The following CDH4 variants were observed in gnomAD, a reference collection of about 807,000 sequenced individuals.
The protein encoded by CDH4 is cadherin 4, also known as cadherin-4.
In CDH4, 33 loss-of-function variants were observed where a neutral mutation model predicts 86.0. The ratio of observed to expected loss-of-function variants is 0.38; its 90% CI spans 0.29 to 0.51. The LOEUF (loss-of-function observed/expected upper bound fraction) is 0.51, where lower values mean the gene tolerates loss of function less well. Ranked by LOEUF, CDH4 falls within the 20% of genes least tolerant of loss-of-function variation. The pLI is 0.86. For synonymous variants in CDH4, 555 were observed against 549.4 expected (o/e 1.01, Z -0.14); for missense variants, 1,114 against 1,307.4 (o/e 0.85, Z 2.28).
intron 2 of CDH4, among the ~76,000 whole-genome samples, chr20:61,604,232 T>C (rs559328260): frequency 6.2e-4 from 95 of 152,344 alleles, no homozygotes; most frequent in African/African-American, 2.1e-3. Flanking sequence ...AGTGACTGTC[T>C]CCGGAGTAAC....
At chr20:61,697,646 C>T (rs1198943896) in intron 2 of CDH4, among the ~76,000 whole-genome samples, 1 of 152,202 alleles carries the variant, frequency 6.6e-6, no homozygotes, top group South Asian at 2.1e-4. Context: ...GCTCTCATCA[C>T]AGCTCCCTGT....
intron 2 of CDH4, among the ~76,000 whole-genome samples, chr20:61,720,259 C>T (rs2088020408): frequency 6.6e-6 from 1 of 152,158 alleles, no homozygotes; most frequent in Non-Finnish European, 1.5e-5. Flanking sequence ...AGGTTTAGTT[C>T]TGTGCTCTAT....
chr20:61,565,088 GCTCTTGGTGGT>G (rs2086256904), intron 2 of CDH4, among the ~76,000 whole-genome samples: 1 of 89,828 alleles, frequency 1.1e-5, no homozygotes, highest in Non-Finnish European at 2.3e-5. Context: ...TGGTGGTGGT[GCTCTTGGTGGT>G]GCTCTTGGTG....
intron 2 of CDH4, among the ~76,000 whole-genome samples, chr20:61,304,084 G>C (rs546926483): frequency 4.6e-5 from 7 of 152,130 alleles, no homozygotes; most frequent in African/African-American, 1.7e-4. Context: ...CAAGGAACCC[G>C]TGTCCTGGGG....
intron 2 of CDH4, among the ~76,000 whole-genome samples, chr20:61,650,748 TC>T (rs1411562728): frequency 1.3e-5 from 2 of 152,210 alleles, no homozygotes; most frequent in Non-Finnish European, 2.9e-5. Context: ...TAATTACAGG[TC>T]TTTAGTGATG....
At chr20:61,752,174 A>AC (rs2088505036) in intron 3 of CDH4, among the ~76,000 whole-genome samples, 1 of 152,114 alleles carries the variant, frequency 6.6e-6, no homozygotes, top group Non-Finnish European at 1.5e-5. Flanking sequence ...TCCACTAAAA[A>AC]TACAAAAATT....
chr20:61,687,950 G>A (rs2087605384), intron 2 of CDH4, among the ~76,000 whole-genome samples: 1 of 152,146 alleles, frequency 6.6e-6, no homozygotes, highest in African/African-American at 2.4e-5. Flanking sequence ...CATTCCTTAA[G>A]CACAAGCATT....
chr20:61,699,006 C>A (rs1386105583), intron 2 of CDH4, among the ~76,000 whole-genome samples: 3 of 152,256 alleles, frequency 2.0e-5, no homozygotes, highest in African/African-American at 7.2e-5. Flanking sequence ...CTTTATGCTA[C>A]ACAAGAATGG....
intron 2 of CDH4, among the ~76,000 whole-genome samples, chr20:61,742,098 T>A (rs1043966806): frequency 6.6e-5 from 10 of 151,582 alleles, no homozygotes; most frequent in African/African-American, 2.2e-4. Flanking sequence ...AACAGTACTA[T>A]AAAAGCAGTT....
chr20:61,830,695 C>T (rs933310619), intron 4 of CDH4, among the ~76,000 whole-genome samples: 3 of 152,254 alleles, frequency 2.0e-5, no homozygotes. Flanking sequence ...GTTCTTCCCC[C>T]GAGGCCAGAA....
intron 2 of CDH4, among the ~76,000 whole-genome samples, chr20:61,383,140 A>G (rs968438998): frequency 1.1e-5 from 1 of 88,648 alleles, no homozygotes; most frequent in Non-Finnish European, 2.2e-5. Context: ...TATTATATAT[A>G]TGAATATATA....
chr20:61,748,537 A>G (rs2088446898), intron 3 of CDH4, among the ~76,000 whole-genome samples: 1 of 152,274 alleles, frequency 6.6e-6, no homozygotes, highest in African/African-American at 2.4e-5. Flanking sequence ...GTTGAGGTGA[A>G]CACTCAGAAA....
chr20:61,451,725 C>A (rs1159329725), intron 2 of CDH4, among the ~76,000 whole-genome samples: 4 of 151,884 alleles, frequency 2.6e-5, no homozygotes, highest in African/African-American at 9.7e-5. Context: ...GGGTAGGAGG[C>A]TGGGAGGAAG....
intron 2 of CDH4, among the ~76,000 whole-genome samples, chr20:61,380,731 A>G (rs950545000): frequency 3.7e-4 from 57 of 152,212 alleles, no homozygotes; most frequent in African/African-American, 1.4e-3. Context: ...GGCAGCCCGC[A>G]TGGTTGTTAC....
rs185940867 is a variant in CDH4, at chr20:61,852,131, C to A, written c.733-623C>A. ...CTCCCGGCCCTGCCTCTCCACGGAT[C>A]CCCCCACCCCACCACCCATATTCCC... is the stretch of plus-strand genomic sequence containing the variant. On this transcript the variant is annotated intron_variant, in intron 5 of 15. Coordinates refer to ENST00000614565, the MANE Select transcript of CDH4 (RefSeq NM_001794.5). 3.9e-3 allele frequency among the ~76,000 whole-genome samples: 588 copies of A among 151,674 alleles called. 16 individuals are homozygous for A. The highest frequency in any genetic ancestry group is 0.034 in the Admixed American group (514 of 15,276).
chr20:61,707,155 G>C (rs917789428), intron 2 of CDH4, among the ~76,000 whole-genome samples: 23 of 152,358 alleles, frequency 1.5e-4, no homozygotes, highest in African/African-American at 4.8e-4. Flanking sequence ...CCCCATGAGC[G>C]CATGGCGGGG....
In CDH4 at chr20:61,725,507, C is replaced by G. The variant is rs148630911; in HGVS notation, c.170-18056C>G. Among the ~76,000 whole-genome samples, 797 of 152,318 alleles carry G rather than the reference C, an allele frequency of 5.2e-3. 12 individuals are homozygous for G. Among genetic ancestry groups the G allele is most frequent in the South Asian group, 0.037 (176 of 4,814 alleles). Reference sequence around the variant, plus strand: ...GCTCACCTAGGCCTCAGCTCTCTTTCTCTCAGATGTTTCTGAGAGCTTTGA... The same window carrying G: ...GCTCACCTAGGCCTCAGCTCTCTTTGTCTCAGATGTTTCTGAGAGCTTTGA... On this transcript the variant is annotated intron_variant, in intron 2 of 15. Transcript: ENST00000614565.
intron 3 of CDH4, among the ~76,000 whole-genome samples, chr20:61,744,071 G>A (rs1318534693): frequency 6.6e-6 from 1 of 152,180 alleles, no homozygotes; most frequent in African/African-American, 2.4e-5. Flanking sequence ...TTGAACAAGG[G>A]GCCCCAAATT....
intron 7 of CDH4, among the ~76,000 whole-genome samples, chr20:61,881,272 A>G (rs1027709877): frequency 1.3e-5 from 2 of 152,214 alleles, no homozygotes; most frequent in Non-Finnish European, 2.9e-5. Context: ...TGCCTCAGGA[A>G]GCTGCGCTGC....
Sources: gnomAD v4.1 joint callset for allele counts (sites outside exome capture counted in the v4.1 genomes callset) on GRCh38, gnomAD v4.1.1 for gene constraint, MANE v1.5 for transcripts, NCBI Gene and HGNC (gene_info 2026-07-23, HGNC 2026-07-21) for gene names.